The following LIMCH1 variants were observed in gnomAD, a reference collection of about 807,000 sequenced individuals.
LIMCH1 encodes the protein LIM and calponin homology domains-containing protein 1.
LIMCH1 carries 113 observed loss-of-function variants against 176.5 expected under a neutral mutation model. The ratio of observed to expected loss-of-function variants is 0.64; its 90% confidence interval spans 0.55 to 0.75. LIMCH1 has a LOEUF of 0.75. Ranked by LOEUF, LIMCH1 falls within the 30% of genes least tolerant of loss-of-function variation. The probability of loss-of-function intolerance (pLI) is 0.00; values close to 1 mark genes in which losing one functional copy is unlikely to be tolerated. For missense variants in LIMCH1, 1,674 were observed against 1,814.9 expected (o/e 0.92, Z 1.41); for synonymous variants, 619 against 645.9 (o/e 0.96, Z 0.63).
upstream of LIMCH1, among the ~76,000 whole-genome samples, chr4:41,360,403 G>A (rs924983724): frequency 6.6e-6 from 1 of 152,064 alleles, no homozygotes; most frequent in Non-Finnish European, 1.5e-5. The surrounding 1 kb of genome is among the most constrained non-coding windows in gnomAD (Gnocchi z 4.5). Context: ...TATGATGCCA[G>A]ACCCATCCGC....
At chr4:41,421,170 G>T (rs1355903626) in intron 1 of LIMCH1, among the ~76,000 whole-genome samples, 1 of 152,176 alleles carries the variant, frequency 6.6e-6, no homozygotes, top group Non-Finnish European at 1.5e-5. Flanking sequence ...GTGAGATCCT[G>T]GTTAACATAT....
At chr4:41,398,429 T>A (rs1442720047) in intron 1 of LIMCH1, among the ~76,000 whole-genome samples, 1 of 152,170 alleles carries the variant, frequency 6.6e-6, no homozygotes, top group Non-Finnish European at 1.5e-5. Context: ...TGAATAATGT[T>A]ACCATTTTAT....
At chr4:41,684,736 A>G (rs576258297) in intron 27 of LIMCH1, among the ~76,000 whole-genome samples, 1 of 152,106 alleles carries the variant, frequency 6.6e-6, no homozygotes, top group South Asian at 2.1e-4. Context: ...GCGTGTTCGC[A>G]CTTAAAAAAA....
intron 1 of LIMCH1, among the ~76,000 whole-genome samples, chr4:41,423,989 C>T (rs1561326337): frequency 6.6e-6 from 1 of 152,112 alleles, no homozygotes. Flanking sequence ...ATCAGAATAA[C>T]AAGGATAGGA....
chr4:41,530,031 TAA>T (rs893334048), intron 3 of LIMCH1, among the ~76,000 whole-genome samples: 3 of 152,338 alleles, frequency 2.0e-5, no homozygotes, highest in Non-Finnish European at 2.9e-5. Flanking sequence ...GAAAAAAATG[TAA>T]GTTTCCATAA....
chr4:41,681,492 C>T (rs989549420), intron 25 of LIMCH1, among the ~76,000 whole-genome samples: 3 of 152,076 alleles, frequency 2.0e-5, no homozygotes, highest in African/African-American at 7.2e-5. Flanking sequence ...ACATGTTCTC[C>T]ACCAGCATCC....
chr4:41,365,840 G>A (rs961219457), intron 1 of LIMCH1, among the ~76,000 whole-genome samples: 6 of 152,238 alleles, frequency 3.9e-5, no homozygotes, highest in African/African-American at 1.4e-4. Flanking sequence ...GGGAGGTGGA[G>A]CTGGCACTTC....
At chr4:41,404,305 T>TGG (rs138928671) in intron 1 of LIMCH1, among the ~76,000 whole-genome samples, 5,045 of 151,292 alleles carry the variant, frequency 0.033, 270 homozygotes, top group African/African-American at 0.12. Context: ...CACCTGCAGG[T>TGG]GGGGAGGGGA....
At chr4:41,676,643 C>G (rs2095228283) in intron 23 of LIMCH1, among the ~76,000 whole-genome samples, 181 bp downstream of exon 23, 1 of 152,026 alleles carries the variant, frequency 6.6e-6, no homozygotes, top group African/African-American at 2.4e-5. Context: ...ATTCTTCCTG[C>G]CAAAGACTGC....
chr4:41,680,421 T>C (rs948443211), intron 24 of LIMCH1, among the ~76,000 whole-genome samples: 6 of 152,212 alleles, frequency 3.9e-5, no homozygotes, highest in Admixed American at 6.5e-5. Context: ...TTCATTTGTG[T>C]GTTTGTTGTT....
At chr4:41,438,051 AT>A (rs2062278041) in intron 1 of LIMCH1, among the ~76,000 whole-genome samples, 1 of 152,156 alleles carries the variant, frequency 6.6e-6, no homozygotes, top group Non-Finnish European at 1.5e-5. Flanking sequence ...TCATTGTTTT[AT>A]TGCAGGATAG....
At chr4:41,554,651 G>A (rs1288570263) in intron 1 of LIMCH1, among the ~76,000 whole-genome samples, 1 of 152,110 alleles carries the variant, frequency 6.6e-6, no homozygotes, top group Admixed American at 6.6e-5. Flanking sequence ...CTCACATTAA[G>A]CTTGAGAAAA....
intron 1 of LIMCH1, among the ~76,000 whole-genome samples, chr4:41,474,619 A>G (rs1187231249): frequency 2.0e-5 from 3 of 152,218 alleles, no homozygotes; most frequent in Non-Finnish European, 4.4e-5. Context: ...TAAAACCACA[A>G]TGAGATATCA....
At chr4:41,440,563 C>T (rs2062589770) in intron 1 of LIMCH1, among the ~76,000 whole-genome samples, 1 of 152,156 alleles carries the variant, frequency 6.6e-6, no homozygotes, top group Non-Finnish European at 1.5e-5. Context: ...GACAGAGTCT[C>T]ACTCTGGCTC....
chr4:41,633,216 A>G (rs1562006752), intron 12 of LIMCH1, 131 bp downstream of exon 12: 3 of 679,742 alleles, frequency 4.4e-6, no homozygotes, highest in Non-Finnish European at 7.4e-6. Flanking sequence ...TAAAGTCACT[A>G]AAAGAGTGTG....
chr4:41,588,296 T>C (rs761026806), intron 1 of LIMCH1, among the ~76,000 whole-genome samples: 8 of 152,128 alleles, frequency 5.3e-5, no homozygotes, highest in Non-Finnish European at 7.4e-5. Context: ...ATTTAAATCT[T>C]GGGGGCTAAT....
intron 1 of LIMCH1, among the ~76,000 whole-genome samples, chr4:41,366,494 GA>G (rs1190978199): frequency 6.6e-6 from 1 of 152,152 alleles, no homozygotes; most frequent in African/African-American, 2.4e-5. Context: ...TGAGGCAGAA[GA>G]AAGGTATCAG....
chr4:41,540,947 A>C (rs548391056), intron 1 of LIMCH1, among the ~76,000 whole-genome samples: 1 of 152,140 alleles, frequency 6.6e-6, no homozygotes, highest in African/African-American at 2.4e-5. Context: ...TCTACCTTTT[A>C]AAAAGGAATG....
intron 1 of LIMCH1, among the ~76,000 whole-genome samples, chr4:41,592,097 C>T (rs2087706626): frequency 6.6e-6 from 1 of 152,236 alleles, no homozygotes; most frequent in South Asian, 2.1e-4. Context: ...GATAGCACTG[C>T]CATGGGCTGA....
Sources: allele counts gnomAD v4.1 joint callset (sites outside exome capture counted in the v4.1 genomes callset), GRCh38; gene constraint gnomAD v4.1.1; non-coding constraint Gnocchi (gnomAD v3.1); transcripts MANE v1.5; gene names NCBI Gene and HGNC (gene_info 2026-07-23, HGNC 2026-07-21).